Variants in RPGRIP1 observed in about 807,000 individuals in gnomAD.
RPGRIP1 encodes the protein RPGR interacting protein 1, also known as X-linked retinitis pigmentosa GTPase regulator-interacting protein 1.
RPGRIP1 carries 128 observed loss-of-function variants against 157.9 expected under a neutral mutation model. The observed-to-expected ratio is 0.81, with a 90% CI of 0.70 to 0.94. The LOEUF (loss-of-function observed/expected upper bound fraction) is 0.94, where lower values mean the gene tolerates loss of function less well. Ranked by LOEUF, RPGRIP1 falls within the 40% of genes least tolerant of loss-of-function variation. The probability of loss-of-function intolerance (pLI) is 0.00; values close to 1 mark genes in which losing one functional copy is unlikely to be tolerated. For missense variants in RPGRIP1, 1,486 were observed against 1,545.8 expected (o/e 0.96, Z 0.65); for synonymous variants, 554 against 571.6 (o/e 0.97, Z 0.44).
chr14:21,299,558 A>AC (rs1880937304), intron 3 of RPGRIP1, among the ~76,000 whole-genome samples: 1 of 152,070 alleles, frequency 6.6e-6, no homozygotes, highest in Non-Finnish European at 1.5e-5. Context: ...TTACAGTGTA[A>AC]CCCCACTGTT....
chr14:21,302,495 G>A lies in RPGRIP1; in HGVS notation c.498G>A (p.Arg166=), dbSNP rs1002507485. The A allele has an allele frequency of 1.9e-6, 3 of 1,552,550 alleles. No homozygotes were observed. The highest frequency in any genetic ancestry group is 2.7e-5 in the African/African-American group (2 of 74,010). The change falls in exon 5 of 25, where the codon AGG becomes AGA. Residue 166 remains arginine, a synonymous_variant. Transcript: ENST00000400017. ...PVPEKPKRGP[R]DRLSYTAPPS... ...TTCTGTCTAAACTTTTAGGGCCAAG[G>A]GACAGGCTGAGCTACACAGCCCCTC...
intron 14 of RPGRIP1, chr14:21,324,319 CA>C (rs1882815759): frequency 4.4e-6 from 2 of 450,514 alleles, no homozygotes. Context: ...CGATGTACAC[CA>C]AAACAATGTC....
intron 10 of RPGRIP1, 53 bp from the exon 11 acceptor site, chr14:21,317,643 G>A (rs754185824): frequency 2.1e-5 from 33 of 1,555,650 alleles, no homozygotes; most frequent in African/African-American, 4.1e-5. Flanking sequence ...TAATAAAGAC[G>A]TCATATCACA....
intron 23 of RPGRIP1, among the ~76,000 whole-genome samples, chr14:21,345,749 A>C (rs975367063): frequency 3.3e-5 from 5 of 152,052 alleles, no homozygotes; most frequent in African/African-American, 1.2e-4. Flanking sequence ...TGCCAGCCTG[A>C]TGGGCCCTTT....
chr14:21,333,385 C>T (rs1252068153), intron 20 of RPGRIP1, among the ~76,000 whole-genome samples: 3 of 152,182 alleles, frequency 2.0e-5, no homozygotes, highest in African/African-American at 7.2e-5. Context: ...CCCTTTGAGA[C>T]CTCAGTGAAA....
rs140409701 is a variant in RPGRIP1 at position 21,289,740 on chromosome 14, C to T, written c.85+1679C>T. On this transcript the variant is annotated intron_variant, in intron 2 of 24. Transcript: ENST00000400017. ...GAAATTGCCTGGGCATAGTGGCTCA[C>T]GCCTGTAATCCCAGCACCTTGGGAG... is the stretch of plus-strand genomic sequence containing the variant. 3.7e-3 allele frequency among the ~76,000 whole-genome samples: 563 copies of T among 152,074 alleles called. 6 individuals are homozygous for T. Among genetic ancestry groups the T allele is most frequent in the African/African-American group, 0.013 (527 of 41,468 alleles).
At chr14:21,349,027 A>C (rs1885865994) in intron 24 of RPGRIP1, among the ~76,000 whole-genome samples, 1 of 147,472 alleles carries the variant, frequency 6.8e-6, no homozygotes, top group South Asian at 2.1e-4. Flanking sequence ...ATTAAGTCTT[A>C]TCCATTCTAC....
At position 21,321,399 on chromosome 14, in the gene RPGRIP1, T is replaced by A. The variant is rs371513311; in HGVS notation, c.1608T>A (p.Tyr536Ter). 6.2e-7 allele frequency: 1 copy of A among 1,610,100 alleles called. No individual in the cohort carries two copies. Among genetic ancestry groups the A allele is most frequent in the Non-Finnish European group, 8.5e-7 (1 of 1,178,506 alleles). The change falls in exon 13 of 25, where the codon TAT becomes TAA. Residue 536 changes from tyrosine (Y) to a stop codon, truncating the protein, a stop_gained. Coordinates refer to ENST00000400017, the MANE Select transcript of RPGRIP1 (RefSeq NM_020366.4). LOFTEE classifies it high-confidence loss of function. Reference protein sequence around the residue: ...LILQRKINVCYQEELEAMMTK... With the variant: ...LILQRKINVC ...TGCAGCGCAAAATCAACGTGTGTTA[T>A]CAGGTGCAAGGAAAGATGGTACAGG...
In RPGRIP1 at chr14:21,325,377, A is replaced by G. The variant is rs1427873310; in HGVS notation, c.2361A>G (p.Glu787=). 9.6e-6 allele frequency: 15 copies of G among 1,569,632 alleles called. No homozygotes were observed. Among genetic ancestry groups the G allele is most frequent in the South Asian group, 8.2e-5 (7 of 85,736 alleles). ...TGCTTGGAGGCCGGAAGGCCCAGGA[A>G]GAGGAGGTGAGAAAAAAGATGTGCC... ...TDVLGGRKAQ[E]EEFRSESWEP... The change falls in exon 16 of 25, where the codon GAA becomes GAG. Residue 787 remains glutamate (E), a synonymous_variant. Transcript: ENST00000400017.
intron 24 of RPGRIP1, among the ~76,000 whole-genome samples, chr14:21,348,657 T>C (rs1885809261): frequency 7.1e-6 from 1 of 141,784 alleles, no homozygotes; most frequent in Non-Finnish European, 1.5e-5. Flanking sequence ...TTATCATGCA[T>C]CCAGTCTTTT....
At chr14:21,304,435 GAAA>G (rs1566673334) in intron 6 of RPGRIP1, among the ~76,000 whole-genome samples, 3 of 144,836 alleles carry the variant, frequency 2.1e-5, no homozygotes, top group Non-Finnish European at 3.0e-5. Flanking sequence ...AAGAAAGAAA[GAAA>G]GAAAGAAATT....
Position 21,324,688 on chromosome 14 carries a change from A to G in RPGRIP1, c.1833A>G (p.Gly611=). Residue 611 remains glycine, a synonymous_variant, in exon 15 of 25, where the codon GGA becomes GGG. Coordinates refer to ENST00000400017, the MANE Select transcript of RPGRIP1 (RefSeq NM_020366.4). The stretch of plus-strand genomic sequence containing the variant: ...GTTTGGAAACACTGCCAGCCCATGG[A>G]GATGAGGATAAAGTGGATATTTCTC... The part of the protein sequence containing the change: ...SLCLETLPAH[G]DEDKVDISLL... 1.2e-6 allele frequency: 2 copies of G among 1,614,026 alleles called. No individual in the cohort carries two copies. The highest frequency in any genetic ancestry group is 1.1e-5 in the South Asian group (1 of 91,082).
chr14:21,314,996 C>G lies in RPGRIP1; in HGVS notation c.1151+2490C>G, dbSNP rs1450617560. 5.9e-5 allele frequency among the ~76,000 whole-genome samples: 9 copies of G among 151,484 alleles called. No individual in the cohort carries two copies. The South Asian group carries it at 1.9e-3, about 32-fold the overall frequency. ...CTGAGATTGCACCACTGCACTCCAG[C>G]CTGAGCAACAGAGCAAGACTCTGTC... is the stretch of plus-strand genomic sequence containing the variant. On this transcript the variant is annotated intron_variant, in intron 10 of 24. Coordinates refer to ENST00000400017, the MANE Select transcript of RPGRIP1 (RefSeq NM_020366.4).
chr14:21,294,526 C>A, intron 2 of RPGRIP1, 151 bp from the exon 3 acceptor site: 4 of 744,922 alleles, frequency 5.4e-6, no homozygotes, highest in Non-Finnish European at 8.3e-6. Flanking sequence ...CTGCGCCTGG[C>A]CCAGAGTCAT....
Position 21,343,201 on chromosome 14 carries a change from G to A in RPGRIP1, c.3505G>A (p.Glu1169Lys), listed in dbSNP as rs201191634. The A allele has an allele frequency of 6.2e-7, 1 of 1,612,722 alleles. No individual in the cohort carries two copies. The highest frequency in any genetic ancestry group is 1.1e-5 in the South Asian group (1 of 90,770). The change falls in exon 22 of 25, where the codon GAA becomes AAA. Residue 1169 changes from glutamate (E) to lysine (K), a missense_variant. Glu to Lys is a moderately conservative substitution (Grantham distance 56, BLOSUM62 1). Transcript: ENST00000400017. ...PVSLRKPRAG[E>K]EIHFHFSKVI... is the part of the protein sequence containing the mutation. ...GTCCCTAAGGAAGCCTAGGGCAGGA[G>A]AAGAAATCCACTTTCACTTTAGCAA... is the stretch of plus-strand genomic sequence containing the variant.
intron 8 of RPGRIP1, 114 bp downstream of exon 8, chr14:21,310,721 G>C: frequency 1.5e-6 from 1 of 662,094 alleles, no homozygotes; most frequent in Non-Finnish European, 2.7e-6. Flanking sequence ...CTAAATCAAT[G>C]TTATTATGTC....
intron 5 of RPGRIP1, 200 bp downstream of exon 5, chr14:21,302,784 A>G (rs1395230185): frequency 1.9e-5 from 7 of 375,938 alleles, no homozygotes; most frequent in Non-Finnish European, 2.4e-5. Flanking sequence ...GGAAATGAAA[A>G]TAAAGGTCCA....
chr14:21,281,670 C>T (rs979189721), intron 1 of RPGRIP1, among the ~76,000 whole-genome samples: 37 of 139,994 alleles, frequency 2.6e-4, no homozygotes, highest in African/African-American at 9.7e-4. Flanking sequence ...GCCTGGGCAA[C>T]AGAGTGAGAC....
rs750630784 is a variant in RPGRIP1, at chr14:21,301,161, C to T, written c.414C>T (p.Arg138=). 15 of 1,593,402 alleles carry T rather than the reference C, an allele frequency of 9.4e-6. No homozygotes were observed. In the South Asian group the frequency reaches 1.5e-4, roughly 16 times the overall value. Residue 138 remains arginine, a synonymous_variant, in exon 4 of 25, where the codon CGC becomes CGT. Coordinates refer to ENST00000400017, the MANE Select transcript of RPGRIP1 (RefSeq NM_020366.4). The stretch of plus-strand genomic sequence containing the variant: ...GCGTCGGCCCTGCCAGCCCCCGCCG[C>T]GCCCAGCCTCGCGTCCAAGTGGGAC... ...FHCVGPASPR[R]AQPRVQVGHR...
Sources: gnomAD v4.1 joint callset for allele counts (sites outside exome capture counted in the v4.1 genomes callset) on GRCh38, gnomAD v4.1.1 for gene constraint, MANE v1.5 for transcripts, NCBI Gene and HGNC (gene_info 2026-07-23, HGNC 2026-07-21) for gene names.